Variants in TBL1X observed in about 807,000 individuals in gnomAD.
TBL1X encodes the protein transducin beta like 1 X-linked.
A neutral mutation model predicts 50.7 loss-of-function variants in TBL1X; 10 were observed. The observed-to-expected ratio is 0.20, with a 90% CI of 0.12 to 0.33. The LOEUF is 0.33. Among genes scored for constraint, TBL1X ranks in the 10% least tolerant of loss-of-function variants. The pLI is 1.00. For missense variants in TBL1X, 340 were observed against 504.4 expected, an observed-to-expected ratio of 0.67 and a Z score of 3.12; for synonymous variants, 190 against 214.7, an observed-to-expected ratio of 0.88 and a Z score of 1.01.
intron 2 of TBL1X, among the ~76,000 whole-genome samples, chrX:9,502,273 G>A (rs1345793056): frequency 5.3e-5 from 6 of 112,494 alleles, no homozygotes; most frequent in Admixed American, 4.7e-4. Flanking sequence ...TTGATAGACA[G>A]GTGGATTTCC....
chrX:9,683,981 G>A (rs1333915948), intron 5 of TBL1X, 62 bp from the exon 6 acceptor site: 1 of 1,206,234 alleles, frequency 8.3e-7, no homozygotes, highest in African/African-American at 1.7e-5. Flanking sequence ...AGATCTCAAT[G>A]GCTGCACCTC....
intron 2 of TBL1X, among the ~76,000 whole-genome samples, chrX:9,517,623 T>C (rs1439878925): frequency 9.0e-6 from 1 of 111,650 alleles, no homozygotes; most frequent in Admixed American, 9.6e-5. Context: ...TGGTGGCAGG[T>C]GGGCCAGTGG....
chrX:9,709,349 C>T, intron 14 of TBL1X, 27 bp downstream of exon 14: 1 of 1,201,129 alleles, frequency 8.3e-7, no homozygotes. Context: ...AAGGGGTGGG[C>T]TGTTTAATCC....
intron 2 of TBL1X, among the ~76,000 whole-genome samples, chrX:9,588,943 C>G (rs1385028111): frequency 9.0e-6 from 1 of 111,296 alleles, no homozygotes; most frequent in African/African-American, 3.3e-5. Context: ...ACTATTGTTT[C>G]TTTTGATGGT....
chrX:9,499,188 A>G (rs1163433690), intron 1 of TBL1X, among the ~76,000 whole-genome samples: 1 of 111,282 alleles, frequency 9.0e-6, no homozygotes, highest in African/African-American at 3.3e-5. Context: ...GGGTGTCCTG[A>G]TTGTCTGTGG....
At chrX:9,468,069 G>A (rs905319152) in intron 1 of TBL1X, among the ~76,000 whole-genome samples, 2 of 112,268 alleles carry the variant, frequency 1.8e-5, no homozygotes, top group South Asian at 3.6e-4. Flanking sequence ...ATTGGAAACC[G>A]TTACAAATGG....
At chrX:9,617,787 A>G (rs1325831592) in intron 2 of TBL1X, among the ~76,000 whole-genome samples, 1 of 112,347 alleles carries the variant, frequency 8.9e-6, no homozygotes, top group East Asian at 2.8e-4. Flanking sequence ...TGTGTTTTGG[A>G]TAAGAGAGGA....
chrX:9,506,542 A>T lies in TBL1X; in HGVS notation c.-131+4693A>T, dbSNP rs150332953. Among the ~76,000 whole-genome samples, 344 of 111,929 alleles carry T rather than the reference A, an allele frequency of 3.1e-3. 1 individual carries two copies. The highest frequency in any genetic ancestry group is 0.011 in the African/African-American group (330 of 30,814). The stretch of plus-strand genomic sequence containing the variant: ...TTTTTTGAAAAAATTAACAAAATAG[A>T]TAGACTGCTAGCTAGACTAATAGAG... On this transcript the variant is annotated intron_variant, in intron 2 of 17. Transcript: ENST00000645353.
rs1162772679 is a variant in TBL1X, at chrX:9,697,191, C to T, written c.1054-178C>T. On this transcript the variant is annotated intron_variant, in intron 11 of 17. Coordinates refer to ENST00000645353, the MANE Select transcript of TBL1X (RefSeq NM_005647.4). The stretch of plus-strand genomic sequence containing the variant: ...GATTGCTAATGAATTTTACCAGTTT[C>T]TTTCTTCTTAATGTGGATCCCAGAA... Among the ~76,000 whole-genome samples, 3 of 112,440 alleles carry T rather than the reference C, an allele frequency of 2.7e-5. No individual in the cohort carries two copies. In the Admixed American group the frequency reaches 2.8e-4, roughly 11 times the overall value.
At chrX:9,546,645 A>C (rs1194151600) in intron 2 of TBL1X, among the ~76,000 whole-genome samples, 2 of 111,299 alleles carry the variant, frequency 1.8e-5, no homozygotes, top group East Asian at 5.6e-4. Context: ...ATAGCCAAAA[A>C]TATTTTCTAT....
At chrX:9,551,641 G>C (rs916132295) in intron 2 of TBL1X, among the ~76,000 whole-genome samples, 1 of 111,553 alleles carries the variant, frequency 9.0e-6, no homozygotes, top group African/African-American at 3.3e-5. Context: ...CCTATGAAGA[G>C]GGGGGAAGAA....
At chrX:9,522,217 C>A (rs1382536083) in intron 2 of TBL1X, among the ~76,000 whole-genome samples, 1 of 110,123 alleles carries the variant, frequency 9.1e-6, no homozygotes, top group Non-Finnish European at 1.9e-5. Flanking sequence ...GGGGTCTCGC[C>A]ATGTTGCCCA....
intron 5 of TBL1X, among the ~76,000 whole-genome samples, chrX:9,660,742 T>G (rs1232445625): frequency 8.9e-6 from 1 of 112,564 alleles, no homozygotes; most frequent in Admixed American, 9.4e-5. Context: ...TCTGCACACC[T>G]GACTAGCTGG....
intron 2 of TBL1X, among the ~76,000 whole-genome samples, chrX:9,607,818 T>G (rs2082591463): frequency 9.0e-6 from 1 of 110,613 alleles, no homozygotes; most frequent in Non-Finnish European, 1.9e-5. Flanking sequence ...TTGATTTATT[T>G]ATTTATTTAT....
chrX:9,581,464 G>C (rs776648786), intron 2 of TBL1X, among the ~76,000 whole-genome samples: 1 of 111,499 alleles, frequency 9.0e-6, no homozygotes, highest in Non-Finnish European at 1.9e-5. Context: ...GCTCACCAGT[G>C]GGGGGATTGG....
At chrX:9,654,088 AAC>A (rs2082851685) in intron 4 of TBL1X, 125 bp from the exon 5 acceptor site, 1 of 522,151 alleles carries the variant, frequency 1.9e-6, no homozygotes, top group Non-Finnish European at 3.1e-6. Context: ...TATAAAATAT[AAC>A]ACAATCAGAT....
At chrX:9,492,894 T>TGTGTGTGGGTGTGG (rs796965171) in intron 1 of TBL1X, among the ~76,000 whole-genome samples, 2 of 24,171 alleles carry the variant, frequency 8.3e-5, no homozygotes, top group East Asian at 2.6e-3. Flanking sequence ...TGTGTGTGTG[T>TGTGTGTGGGTGTGG]GTGTAGGGGA....
At chrX:9,641,168 A>G (rs1234156494) in intron 3 of TBL1X, among the ~76,000 whole-genome samples, 2 of 111,970 alleles carry the variant, frequency 1.8e-5, no homozygotes, top group Admixed American at 9.5e-5. Context: ...TTGATTTGCT[A>G]GTTAACTTTG....
At chrX:9,637,132 A>G (rs2082751678) in intron 2 of TBL1X, 2 of 112,265 alleles carry the variant, frequency 1.8e-5, no homozygotes, top group South Asian at 3.7e-4. Flanking sequence ...TACAGACACA[A>G]TGGGGTGATA....
Sources: allele counts gnomAD v4.1 joint callset (sites outside exome capture counted in the v4.1 genomes callset), GRCh38; gene constraint gnomAD v4.1.1; transcripts MANE v1.5; gene names NCBI Gene and HGNC (gene_info 2026-07-23, HGNC 2026-07-21).